MIPEP: variants seen among roughly 807,000 people sequenced by gnomAD.
MIPEP encodes mitochondrial intermediate peptidase.
MIPEP carries 79 observed loss-of-function variants against 90.3 expected under a neutral mutation model. The ratio of observed to expected loss-of-function variants is 0.87; its 90% CI spans 0.73 to 1.05. The LOEUF (loss-of-function observed/expected upper bound fraction) is 1.05. MIPEP is among the 50% of genes least tolerant of loss of function. The pLI is 0.00. For synonymous variants in MIPEP, 334 were observed against 315.8 expected, an observed-to-expected ratio of 1.06 and a Z score of -0.61; for missense variants, 940 against 905.6, an observed-to-expected ratio of 1.04 and a Z score of -0.49.
At position 23,775,109 on chromosome 13, in the gene MIPEP, C is replaced by CTGTGTGTGTG. The variant is rs57354012; in HGVS notation, c.1849-14902_1849-14893dup. On this transcript the variant is annotated intron_variant, in intron 16 of 18. Coordinates refer to ENST00000382172, the MANE Select transcript of MIPEP (RefSeq NM_005932.4). ...TCACTGCACCCAGCCTATCAGTTCTCTGTGTGTGTGTGTGTGTGTGTGTGT... is the reference window on the plus strand; with the variant it reads ...TCACTGCACCCAGCCTATCAGTTCTCTGTGTGTGTGTGTGTGTGTGTGTGTGTGTGTGTGT... Among the ~76,000 whole-genome samples the CTGTGTGTGTG allele has an allele frequency of 5.1e-3, 765 of 149,080 alleles. 2 individuals carry two copies. The highest frequency in any genetic ancestry group is 0.012 in the East Asian group (61 of 5,014).
At chr13:23,880,749 C>T (rs1307310401) in intron 3 of MIPEP, among the ~76,000 whole-genome samples, 3 of 152,224 alleles carry the variant, frequency 2.0e-5, no homozygotes, top group African/African-American at 7.2e-5. Flanking sequence ...AAGTCACACA[C>T]GATTGTGCCA....
Position 23,858,757 on chromosome 13 carries a change from G to A in MIPEP, c.1106+103C>T, listed in dbSNP as rs1870155793. The A allele has an allele frequency of 3.3e-6, 3 of 910,238 alleles. No individual in the cohort carries two copies. In the South Asian group the frequency reaches 4.2e-5, roughly 13 times the overall value. 56.4% of individuals were successfully genotyped at this position (910,238 alleles called of 1,614,324 possible). A position where few individuals can be genotyped will look rare whatever the true frequency, so the allele number is the denominator to read the frequency against. On this transcript the variant is annotated intron_variant, in intron 10 of 18. Coordinates refer to ENST00000382172, the MANE Select transcript of MIPEP (RefSeq NM_005932.4). ...GCCAGCAGAAAGAATGGTGTCAGGGGAAGGGTTTGTACTGTGGGCGACTCA... is the reference window on the plus strand; with the variant it reads ...GCCAGCAGAAAGAATGGTGTCAGGGAAAGGGTTTGTACTGTGGGCGACTCA...
chr13:23,854,059 C>T (rs918229837), intron 10 of MIPEP, among the ~76,000 whole-genome samples: 13 of 151,926 alleles, frequency 8.6e-5, no homozygotes, highest in Admixed American at 5.2e-4. Flanking sequence ...GGCGCGGTGG[C>T]TCACGCCTGT....
intron 16 of MIPEP, among the ~76,000 whole-genome samples, chr13:23,791,931 T>C (rs1280653527): frequency 6.6e-6 from 1 of 152,220 alleles, no homozygotes; most frequent in African/African-American, 2.4e-5. Flanking sequence ...CTAAATCCAA[T>C]AGTTGTTGCT....
chr13:23,732,794 G>T (rs547533325), intron 18 of MIPEP, among the ~76,000 whole-genome samples: 1 of 152,314 alleles, frequency 6.6e-6, no homozygotes, highest in East Asian at 1.9e-4. Context: ...AGGGGCAGGA[G>T]GGCCTCTGGT....
intron 15 of MIPEP, among the ~76,000 whole-genome samples, chr13:23,808,435 A>G (rs1953136739): frequency 6.6e-6 from 1 of 152,056 alleles, no homozygotes; most frequent in Non-Finnish European, 1.5e-5. Flanking sequence ...GAAAGTTGAA[A>G]CAATTCACTT....
intron 14 of MIPEP, among the ~76,000 whole-genome samples, chr13:23,812,484 A>AT (rs1051955676): frequency 9.0e-3 from 2 of 222 alleles, no homozygotes; most frequent in African/African-American, 0.022. Flanking sequence ...CCTGAGAAAT[A>AT]AAAAAAAAAT....
At chr13:23,813,634 T>C (rs1953200544) in intron 14 of MIPEP, among the ~76,000 whole-genome samples, 1 of 152,196 alleles carries the variant, frequency 6.6e-6, no homozygotes, top group African/African-American at 2.4e-5. Context: ...TTTCACTGTA[T>C]TGCCCAGGCT....
At chr13:23,763,218 A>C (rs1212602761) in intron 16 of MIPEP, among the ~76,000 whole-genome samples, 1 of 152,176 alleles carries the variant, frequency 6.6e-6, no homozygotes. Flanking sequence ...TAATCTACTA[A>C]ATGATGAGAA....
intron 17 of MIPEP, among the ~76,000 whole-genome samples, chr13:23,759,548 A>G (rs1477693515): frequency 6.6e-6 from 1 of 151,790 alleles, no homozygotes; most frequent in Admixed American, 6.6e-5. Flanking sequence ...ACAGCATAGA[A>G]TCCCTCACAC....
At chr13:23,786,220 C>T (rs1035251574) in intron 16 of MIPEP, among the ~76,000 whole-genome samples, 4 of 151,936 alleles carry the variant, frequency 2.6e-5, no homozygotes, top group Non-Finnish European at 5.9e-5. Flanking sequence ...GAGTGAGGAC[C>T]GTATCTTAAA....
chr13:23,760,638 T>C (rs796209149), intron 16 of MIPEP: 13 of 503,716 alleles, frequency 2.6e-5, no homozygotes, highest in African/African-American at 2.1e-4. Flanking sequence ...TGCTGACACC[T>C]TGGTCTGGAC....
chr13:23,801,908 A>AT (rs1953047315), intron 16 of MIPEP, among the ~76,000 whole-genome samples: 1 of 151,690 alleles, frequency 6.6e-6, no homozygotes, highest in South Asian at 2.1e-4. Flanking sequence ...AAACCCTCCT[A>AT]TTTTTTCATG....
chr13:23,793,223 C>T (rs538337295), intron 16 of MIPEP, among the ~76,000 whole-genome samples: 7 of 152,232 alleles, frequency 4.6e-5, no homozygotes, highest in African/African-American at 1.2e-4. Flanking sequence ...TTGTGGCATA[C>T]TGGAAAAGAA....
chr13:23,752,991 A>G (rs1182312043), intron 18 of MIPEP, among the ~76,000 whole-genome samples: 1 of 152,138 alleles, frequency 6.6e-6, no homozygotes, highest in South Asian at 2.1e-4. Context: ...ACTTTGGGAG[A>G]CCAAGGAGGG....
At chr13:23,843,198 C>G (rs983324253) in intron 10 of MIPEP, among the ~76,000 whole-genome samples, 2 of 150,664 alleles carry the variant, frequency 1.3e-5, no homozygotes, top group African/African-American at 4.9e-5. Context: ...GCAGAAGCGA[C>G]AGTATAACTA....
At chr13:23,731,733 A>G (rs1156508681) in intron 18 of MIPEP, among the ~76,000 whole-genome samples, 1 of 152,192 alleles carries the variant, frequency 6.6e-6, no homozygotes, top group Non-Finnish European at 1.5e-5. Flanking sequence ...TATCTCACGT[A>G]AGACTGGTAT....
chr13:23,841,422 A>G lies in MIPEP; in HGVS notation c.1173T>C (p.Asn391=). 1 of 1,614,168 alleles carries G rather than the reference A, an allele frequency of 6.2e-7. No homozygotes were observed. The highest frequency in any genetic ancestry group is 1.3e-5 in the African/African-American group (1 of 75,032). ...FSLGACMEGL[N]ILLNRLLGIS... ...TCCCCAACAGTCTGTTAAGCAAAAT[A>G]TTCAGGCCTTCCATGCATGCTCCAA... Residue 391 remains asparagine, a synonymous_variant, in exon 11 of 19, where the codon AAT becomes AAC. Coordinates refer to ENST00000382172, the MANE Select transcript of MIPEP (RefSeq NM_005932.4).
At position 23,806,729 on chromosome 13, in the gene MIPEP, T is replaced by C. The variant is rs1005300089; in HGVS notation, c.1729-660A>G. ...ACAAAAAAATCTATATCTATCTATC[T>C]ATCTATCTATCTATCTATCTATCTA... On this transcript the variant is annotated intron_variant, in intron 15 of 18. Coordinates refer to ENST00000382172, the MANE Select transcript of MIPEP (RefSeq NM_005932.4). 9.9e-4 allele frequency among the ~76,000 whole-genome samples: 145 copies of C among 146,982 alleles called. 2 individuals are homozygous for C. The highest frequency in any genetic ancestry group is 5.6e-4 in the Non-Finnish European group (38 of 67,622).
Sources: gnomAD v4.1 joint callset for allele counts (sites outside exome capture counted in the v4.1 genomes callset) on GRCh38, gnomAD v4.1.1 for gene constraint, MANE v1.5 for transcripts, NCBI Gene and HGNC (gene_info 2026-07-23, HGNC 2026-07-21) for gene names.